IQCE: variants seen among roughly 807,000 people sequenced by gnomAD.
The protein encoded by IQCE is IQ domain-containing protein E.
IQCE carries 115 observed loss-of-function variants against 96.0 expected under a neutral mutation model. The observed-to-expected ratio is 1.20, with a 90% confidence interval of 1.03 to 1.40. The LOEUF (loss-of-function observed/expected upper bound fraction) is 1.40. IQCE is among the 40% of genes most tolerant of loss of function. The pLI is 0.00. For missense variants in IQCE, 1,041 were observed against 909.1 expected, an observed-to-expected ratio of 1.15 and a Z score of -1.87; for synonymous variants, 412 against 371.2, an observed-to-expected ratio of 1.11 and a Z score of -1.26.
At chr7:2,586,069 G>A (rs1562650526) in intron 11 of IQCE, 139 bp from the exon 12 acceptor site, 6 of 713,334 alleles carry the variant, frequency 8.4e-6, no homozygotes, top group East Asian at 5.5e-5. Flanking sequence ...CTGCCTATTC[G>A]ATTTCAAATA....
chr7:2,583,535 C>T, intron 9 of IQCE, 102 bp from the exon 10 acceptor site: 1 of 763,914 alleles, frequency 1.3e-6, no homozygotes, highest in Non-Finnish European at 2.0e-6. Flanking sequence ...TGGGTCTTTT[C>T]CAAAGCCTCT....
In IQCE at chr7:2,594,799, C is replaced by G. The variant is rs75179187; in HGVS notation, c.1350-87C>G. 2.6e-3 allele frequency: 2,420 copies of G among 937,510 alleles called. 35 individuals are homozygous for G. The African/African-American group carries it at 0.033, about 13-fold the overall frequency. 58.1% of individuals were successfully genotyped at this position (937,510 alleles called of 1,614,324 possible). On this transcript the variant is annotated intron_variant, in intron 15 of 21. Coordinates refer to ENST00000402050, the MANE Select transcript of IQCE (RefSeq NM_152558.5). The stretch of plus-strand genomic sequence containing the variant: ...CTGCCTGGTGTCCCCCTGTCTCCGC[C>G]TGGACCGCCCGCCCCACCCTGCCCT...
rs115808602 is a variant in IQCE at position 2,594,901 on chromosome 7, A to G, written c.1365A>G (p.Thr455=). Residue 455 remains threonine (T), a synonymous_variant, in exon 16 of 22, where the codon ACA becomes ACG. Coordinates refer to ENST00000402050, the MANE Select transcript of IQCE (RefSeq NM_152558.5). The part of the protein sequence containing the change: ...REEVLREEIQ[T]LTSKLQELQE... ...TCCGCCTTAGAGAGGAGATTCAGAC[A>G]CTTACCAGCAAGCTCCAAGAATTGC... 2,594 of 1,613,420 alleles carry G rather than the reference A, an allele frequency of 1.6e-3. 28 individuals carry two copies. The African/African-American group carries it at 0.031, about 19-fold the overall frequency.
At chr7:2,601,305 C>A in intron 17 of IQCE, 136 bp from the exon 18 acceptor site, 1 of 674,562 alleles carries the variant, frequency 1.5e-6, no homozygotes, top group South Asian at 1.7e-5. Flanking sequence ...GTCCCGGCAG[C>A]TCGGGAGGGA....
chr7:2,595,044 GT>G, intron 16 of IQCE, 68 bp downstream of exon 16: 1 of 1,106,266 alleles, frequency 9.0e-7, no homozygotes, highest in Non-Finnish European at 1.4e-6. Context: ...GGTTCTGACC[GT>G]TTCCCTGTCC....
At chr7:2,572,891 A>T in intron 5 of IQCE, 1 of 372,024 alleles carries the variant, frequency 2.7e-6, no homozygotes, top group East Asian at 7.3e-5. Flanking sequence ...AAGGAAGAAC[A>T]GCCTCCAGGG....
chr7:2,609,756 G>T (rs1562689687), intron 21 of IQCE, among the ~76,000 whole-genome samples: 1 of 151,562 alleles, frequency 6.6e-6, no homozygotes, highest in Admixed American at 6.6e-5. Context: ...TGTGTAAGTT[G>T]GTCCTGAGGC....
At position 2,610,587 on chromosome 7, in the gene IQCE, T is replaced by C; in HGVS notation, c.*425T>C. 5.2e-6 allele frequency: 1 copy of C among 191,244 alleles called. No individual in the cohort carries two copies. Among genetic ancestry groups the C allele is most frequent in the Non-Finnish European group, 1.1e-5 (1 of 91,802 alleles). The allele number at this position is 191,244 out of a possible 1,614,324, so 11.8% of individuals were successfully genotyped here. ...GACACCCTCAACAACCAGGATTTGC[T>C]CGATCTCAGCCCAGCAGGCCAGGCA... is the stretch of plus-strand genomic sequence containing the variant. On this transcript the variant is annotated 3_prime_UTR_variant, in exon 22 of 22. Coordinates refer to ENST00000402050, the MANE Select transcript of IQCE (RefSeq NM_152558.5).
chr7:2,582,677 C>T (rs750278332), intron 9 of IQCE, 27 bp downstream of exon 9: 3 of 1,599,284 alleles, frequency 1.9e-6, no homozygotes, highest in African/African-American at 1.3e-5. Context: ...ACCCTCTCCC[C>T]TGCCTTCCGC....
intron 12 of IQCE, 47 bp downstream of exon 12, chr7:2,586,418 G>A: frequency 6.4e-7 from 1 of 1,554,280 alleles, no homozygotes; most frequent in South Asian, 1.2e-5. Flanking sequence ...GGAATGGCAG[G>A]GAATGGCAGG....
intron 17 of IQCE, among the ~76,000 whole-genome samples, chr7:2,600,363 T>C (rs1233381205): frequency 6.6e-6 from 1 of 152,182 alleles, no homozygotes; most frequent in East Asian, 1.9e-4. Flanking sequence ...AACCTGGCCA[T>C]GGCTGCTGGC....
intron 14 of IQCE, 21 bp from the exon 15 acceptor site, chr7:2,593,001 G>A: frequency 6.4e-7 from 1 of 1,574,380 alleles, no homozygotes; most frequent in Non-Finnish European, 8.7e-7. Context: ...ACGCTGACGA[G>A]TCTCCTATTC....
chr7:2,591,824 T>G (rs1260840171), intron 14 of IQCE, among the ~76,000 whole-genome samples: 1 of 152,156 alleles, frequency 6.6e-6, no homozygotes, highest in African/African-American at 2.4e-5. Flanking sequence ...TTTCACCATG[T>G]TGGCCAGGCT....
chr7:2,610,006 G>C (rs181519988), intron 21 of IQCE, 38 bp from the exon 22 acceptor site: 1 of 1,182,056 alleles, frequency 8.5e-7, no homozygotes, highest in Non-Finnish European at 1.3e-6. Context: ...CCTGAGGTCA[G>C]CGTGGCTGAC....
At chr7:2,560,595 A>C (rs1353224981) in intron 1 of IQCE, among the ~76,000 whole-genome samples, 1 of 152,238 alleles carries the variant, frequency 6.6e-6, no homozygotes, top group African/African-American at 2.4e-5. Flanking sequence ...CATCTTTAAG[A>C]ACAAAACTGC....
At chr7:2,572,132 A>G in intron 4 of IQCE, 60 bp from the exon 5 acceptor site, 1 of 1,532,550 alleles carries the variant, frequency 6.5e-7, no homozygotes, top group Non-Finnish European at 8.8e-7. Context: ...GATTAGAAAC[A>G]AAACCTCCCA....
At chr7:2,590,651 A>G (rs1783516529) in intron 14 of IQCE, among the ~76,000 whole-genome samples, 1 of 152,186 alleles carries the variant, frequency 6.6e-6, no homozygotes, top group African/African-American at 2.4e-5. Context: ...CTGTAGTCCC[A>G]GTTACTCAGG....
At chr7:2,601,695 A>T (rs1784444652) in intron 18 of IQCE, 8 of 486,874 alleles carry the variant, frequency 1.6e-5, no homozygotes, top group South Asian at 1.3e-4. Context: ...GATTACAGGG[A>T]TGCACCACTG....
chr7:2,579,234 T>A (rs1289524225), intron 8 of IQCE, among the ~76,000 whole-genome samples: 2 of 152,064 alleles, frequency 1.3e-5, no homozygotes, highest in Non-Finnish European at 2.9e-5. Context: ...ACAGTACACC[T>A]CCTAGCAGTC....
Sources: allele counts gnomAD v4.1 joint callset (sites outside exome capture counted in the v4.1 genomes callset), GRCh38; gene constraint gnomAD v4.1.1; transcripts MANE v1.5; gene names NCBI Gene and HGNC (gene_info 2026-07-23, HGNC 2026-07-21).